Variants in LAMA2 observed in about 807,000 individuals in gnomAD.
LAMA2 encodes laminin subunit alpha-2.
Under a neutral mutation model 364.8 loss-of-function variants are expected in LAMA2, and 269 were observed. That is an observed-to-expected ratio of 0.74 (90% confidence interval 0.67 to 0.82). The LOEUF (loss-of-function observed/expected upper bound fraction) is 0.82. LAMA2 is among the 40% of genes least tolerant of loss of function. The pLI is 0.00. For synonymous variants in LAMA2, 1,379 were observed against 1,370.6 expected, an observed-to-expected ratio of 1.01 and a Z score of -0.14; for missense variants, 3,807 against 3,873.2, an observed-to-expected ratio of 0.98 and a Z score of 0.45.
At chr6:128,893,468 C>T (rs1179839011) in intron 1 of LAMA2, among the ~76,000 whole-genome samples, 1 of 151,556 alleles carries the variant, frequency 6.6e-6, no homozygotes, top group Non-Finnish European at 1.5e-5. Context: ...ATACTTAGTT[C>T]TCCTGTTTTC....
At chr6:129,477,888 A>G (rs1426180904) in intron 53 of LAMA2, among the ~76,000 whole-genome samples, 1 of 152,144 alleles carries the variant, frequency 6.6e-6, no homozygotes, top group Non-Finnish European at 1.5e-5. Context: ...GGCTCAAAAG[A>G]TCCTCTCTCC....
chr6:129,409,288 C>T (rs1780403666), intron 40 of LAMA2, among the ~76,000 whole-genome samples: 2 of 152,186 alleles, frequency 1.3e-5, no homozygotes, highest in South Asian at 4.1e-4. Flanking sequence ...TCTTCTCTGC[C>T]TCTGTCAACT....
intron 19 of LAMA2, among the ~76,000 whole-genome samples, chr6:129,290,354 T>C (rs1217930853): frequency 2.0e-5 from 3 of 152,188 alleles, no homozygotes; most frequent in African/African-American, 7.2e-5. Flanking sequence ...ATTTCAGCTA[T>C]AGACTATCCG....
At chr6:129,333,579 T>C (rs1170364799) in intron 29 of LAMA2, among the ~76,000 whole-genome samples, 1 of 151,930 alleles carries the variant, frequency 6.6e-6, no homozygotes, top group African/African-American at 2.4e-5. Flanking sequence ...ATTGACTAAA[T>C]AAATAACTTA....
At chr6:129,276,179 T>C (rs1583397725) in intron 17 of LAMA2, among the ~76,000 whole-genome samples, 2 of 152,118 alleles carry the variant, frequency 1.3e-5, no homozygotes, top group South Asian at 4.1e-4. Flanking sequence ...TACCCTCATC[T>C]CCAGCTTCTC....
At chr6:129,252,324 TCA>T in intron 14 of LAMA2, 29 bp downstream of exon 14, 1 of 1,556,196 alleles carries the variant, frequency 6.4e-7, no homozygotes, top group Non-Finnish European at 8.8e-7. Flanking sequence ...GCTCCAACGT[TCA>T]CACATTTACT....
intron 55 of LAMA2, among the ~76,000 whole-genome samples, chr6:129,483,221 C>T (rs1784436555): frequency 7.7e-6 from 1 of 129,232 alleles, no homozygotes; most frequent in South Asian, 2.4e-4. Context: ...CCTTAGCCAT[C>T]TATAAAAAAA....
chr6:129,050,111 G>A, intron 2 of LAMA2, 23 bp downstream of exon 2: 1 of 1,613,182 alleles, frequency 6.2e-7, no homozygotes, highest in Non-Finnish European at 8.5e-7. Flanking sequence ...GTGTGTAGGT[G>A]TGTGGCGCTG....
At chr6:128,900,252 A>G (rs866196662) in intron 1 of LAMA2, among the ~76,000 whole-genome samples, 1 of 152,296 alleles carries the variant, frequency 6.6e-6, no homozygotes, top group Middle Eastern at 3.4e-3. Context: ...TGAAACTAAT[A>G]AAAAATAAGG....
chr6:129,280,213 A>G, intron 18 of LAMA2, 66 bp downstream of exon 18: 1 of 1,012,084 alleles, frequency 9.9e-7, no homozygotes, highest in South Asian at 1.3e-5. Flanking sequence ...CCGCAGATAC[A>G]ATCATCCTTT....
At chr6:129,109,523 T>TA (rs5879925) in intron 4 of LAMA2, among the ~76,000 whole-genome samples, 35,527 of 151,912 alleles carry the variant, frequency 0.23, 4,399 homozygotes, top group African/African-American at 0.32. Context: ...ATGAAGTCTT[T>TA]AAAATTGGCT....
intron 1 of LAMA2, among the ~76,000 whole-genome samples, chr6:129,008,179 C>T (rs926771299): frequency 6.6e-6 from 1 of 152,160 alleles, no homozygotes; most frequent in African/African-American, 2.4e-5. Context: ...CTGATGCTGC[C>T]TCAGAGGCTG....
intron 1 of LAMA2, among the ~76,000 whole-genome samples, chr6:128,983,953 A>G (rs7341286): frequency 0.025 from 3,758 of 152,242 alleles, 165 homozygotes; most frequent in African/African-American, 0.085. Flanking sequence ...AATATTAATG[A>G]TATTTATTTA....
intron 23 of LAMA2, 138 bp downstream of exon 23, chr6:129,313,235 A>G (rs947685200): frequency 3.2e-6 from 2 of 615,552 alleles, no homozygotes; most frequent in South Asian, 4.4e-5. Flanking sequence ...ATTGCCAGAC[A>G]TGGAGTTTTC....
At chr6:129,221,739 A>AT (rs1274995010) in intron 12 of LAMA2, among the ~76,000 whole-genome samples, 1 of 152,184 alleles carries the variant, frequency 6.6e-6, no homozygotes, top group Non-Finnish European at 1.5e-5. Context: ...TTCTAGATGT[A>AT]TATACTAAAG....
chr6:129,451,955 C>T (rs965095408), intron 45 of LAMA2, among the ~76,000 whole-genome samples: 1 of 152,124 alleles, frequency 6.6e-6, no homozygotes, highest in African/African-American at 2.4e-5. Flanking sequence ...GTGCAAATTA[C>T]ATGAGTAGCA....
At chr6:129,287,722 T>C in intron 18 of LAMA2, 125 bp from the exon 19 acceptor site, 1 of 848,318 alleles carries the variant, frequency 1.2e-6, no homozygotes, top group Middle Eastern at 3.4e-4. Context: ...TCACGTTGCG[T>C]TTGAGAAAAG....
intron 40 of LAMA2, among the ~76,000 whole-genome samples, chr6:129,406,290 A>G (rs371872959): frequency 1.6e-4 from 24 of 152,334 alleles, no homozygotes; most frequent in East Asian, 1.3e-3. Flanking sequence ...GAGAAAGCTA[A>G]TACGATTTGT....
chr6:129,161,575 ATGTGTCATGGGATT>A (rs1207457656), intron 8 of LAMA2, among the ~76,000 whole-genome samples: 1 of 152,096 alleles, frequency 6.6e-6, no homozygotes, highest in African/African-American at 2.4e-5. Context: ...TGGGTAAATT[ATGTGTCATGGGATT>A]TGGTGTACAG....
Sources: allele counts gnomAD v4.1 joint callset (sites outside exome capture counted in the v4.1 genomes callset), GRCh38; gene constraint gnomAD v4.1.1; transcripts MANE v1.5; gene names NCBI Gene and HGNC (gene_info 2026-07-23, HGNC 2026-07-21).